UPF2: variants seen among roughly 807,000 people sequenced by gnomAD.
UPF2 encodes the protein regulator of nonsense transcripts 2.
Under a neutral mutation model 141.4 loss-of-function variants are expected in UPF2, and 17 were observed. The ratio of observed to expected loss-of-function variants is 0.12; its 90% CI spans 0.08 to 0.18. UPF2 has a LOEUF of 0.18. UPF2 is among the 10% of genes least tolerant of loss of function. The pLI is 1.00. For synonymous variants in UPF2, 540 were observed against 498.0 expected (o/e 1.08, Z -1.12); for missense variants, 1,152 against 1,515.9 (o/e 0.76, Z 3.99).
At position 12,014,908 on chromosome 10, in the gene UPF2, C is replaced by T. The variant is rs1011054321; in HGVS notation, c.1146-724G>A. ...ACAAATACTGAGAAGTCCACTCACT[C>T]AGGCCAGCCCTTATCAAGGAACTAA... On this transcript the variant is annotated intron_variant, in intron 3 of 21. Transcript: ENST00000357604. The surrounding 1 kb of genome is among the most constrained non-coding windows in gnomAD (Gnocchi z 5.0). Among the ~76,000 whole-genome samples the T allele has an allele frequency of 6.6e-6, 1 of 152,240 alleles. No homozygotes were observed. The highest frequency in any genetic ancestry group is 1.5e-5 in the Non-Finnish European group (1 of 68,052).
At chr10:12,006,530 C>G (rs1180834697) in intron 4 of UPF2, among the ~76,000 whole-genome samples, 1 of 152,108 alleles carries the variant, frequency 6.6e-6, no homozygotes, top group Non-Finnish European at 1.5e-5. Context: ...CTCGAAACTC[C>G]TTACTTTCCT....
intron 4 of UPF2, among the ~76,000 whole-genome samples, chr10:12,011,367 G>T (rs1224713891): frequency 6.6e-6 from 1 of 152,126 alleles, no homozygotes; most frequent in African/African-American, 2.4e-5. Flanking sequence ...GGGAGGGTGA[G>T]GCAGGCAGAT....
chr10:11,959,485 C>CACA lies in UPF2; in HGVS notation c.2185-130_2185-129insTGT. ...TTAGAAAGGCAAAGAAAGGACTGGG[C>CACA]ACTGTGGCTCACACCTATAATCCCA... On this transcript the variant is annotated intron_variant, in intron 11 of 21. Transcript: ENST00000357604. This position sits in a 1 kb window ranked among gnomAD's most constrained non-coding sequence, Gnocchi z 5.9. The CACA allele has an allele frequency of 1.1e-6, 1 of 913,210 alleles. No homozygotes were observed. The highest frequency in any genetic ancestry group is 1.6e-6 in the Non-Finnish European group (1 of 638,590). The allele number at this position is 913,210 out of a possible 1,614,324, so 56.6% of individuals were successfully genotyped here.
At chr10:11,925,008 G>A (rs1381914388) in intron 21 of UPF2, among the ~76,000 whole-genome samples, 3 of 151,898 alleles carry the variant, frequency 2.0e-5, no homozygotes, top group Non-Finnish European at 1.5e-5. Flanking sequence ...TAGTAGAGAC[G>A]GGGTTTCACC....
At chr10:11,924,017 T>C (rs11257429) in intron 21 of UPF2, among the ~76,000 whole-genome samples, 66,381 of 152,102 alleles carry the variant, frequency 0.44, 16,848 homozygotes, top group Non-Finnish European at 0.58. Flanking sequence ...ATCTAAGCCA[T>C]GTAAGTATTA....
At chr10:11,994,339 T>C (rs1833830383) in intron 8 of UPF2, among the ~76,000 whole-genome samples, 1 of 152,198 alleles carries the variant, frequency 6.6e-6, no homozygotes, top group Non-Finnish European at 1.5e-5. Context: ...CTTTATGTCC[T>C]GAGATGAAAA....
At chr10:11,969,673 T>C (rs1026274139) in intron 9 of UPF2, among the ~76,000 whole-genome samples, 2 of 152,188 alleles carry the variant, frequency 1.3e-5, no homozygotes, top group African/African-American at 4.8e-5. Context: ...TACATGCACA[T>C]AAAAAACTTC....
At chr10:11,995,867 A>G (rs1379651193) in intron 8 of UPF2, among the ~76,000 whole-genome samples, 1 of 152,060 alleles carries the variant, frequency 6.6e-6, no homozygotes, top group African/African-American at 2.4e-5. Flanking sequence ...TCTGTCAGCA[A>G]TGCTCTCCCT....
At chr10:11,942,499 G>A (rs1316287694) in intron 18 of UPF2, among the ~76,000 whole-genome samples, 166 bp downstream of exon 18, 1 of 152,202 alleles carries the variant, frequency 6.6e-6, no homozygotes, top group Non-Finnish European at 1.5e-5. Flanking sequence ...CAGGATGTGG[G>A]ATACAAGAAG....
chr10:11,950,034 C>A (rs1833053441), intron 15 of UPF2, among the ~76,000 whole-genome samples: 1 of 151,538 alleles, frequency 6.6e-6, no homozygotes, highest in African/African-American at 2.4e-5. Flanking sequence ...TAAGTAGAAC[C>A]AATTGGTTAG....
chr10:11,936,496 A>C lies in UPF2; in HGVS notation c.3546+49T>G. ...TAGGTCAAAGATAAGTTAAAACCTA[A>C]CTGTATAACTCACAATCAGCTATAA... On this transcript the variant is annotated intron_variant, in intron 19 of 21. Transcript: ENST00000357604. This position sits in a 1 kb window ranked among gnomAD's most constrained non-coding sequence, Gnocchi z 6.6. The C allele has an allele frequency of 6.6e-7, 1 of 1,521,978 alleles. No individual in the cohort carries two copies. The highest frequency in any genetic ancestry group is 8.8e-7 in the Non-Finnish European group (1 of 1,133,534). The allele number at this position is 1,521,978 out of a possible 1,614,324, so 94.3% of individuals were successfully genotyped here. A position where few individuals can be genotyped will look rare whatever the true frequency, so the allele number is the denominator to read the frequency against.
At chr10:12,034,190 A>C (rs1457752943) in intron 2 of UPF2, among the ~76,000 whole-genome samples, 1 of 152,232 alleles carries the variant, frequency 6.6e-6, no homozygotes, top group Non-Finnish European at 1.5e-5. Context: ...GATTGTCCTA[A>C]GGATAGATGC....
At chr10:11,984,011 C>T (rs932090959) in intron 8 of UPF2, among the ~76,000 whole-genome samples, 10 of 152,078 alleles carry the variant, frequency 6.6e-5, no homozygotes, top group Admixed American at 2.6e-4. Flanking sequence ...ACAACCTCCA[C>T]CTCCCGGGTT....
intron 3 of UPF2, among the ~76,000 whole-genome samples, chr10:12,027,383 T>G (rs1449411750): frequency 1.3e-5 from 2 of 152,160 alleles, no homozygotes; most frequent in Admixed American, 1.3e-4. Flanking sequence ...AATCAATCAT[T>G]AGCATACTAT....
chr10:12,024,048 G>C (rs1458943126), intron 3 of UPF2, among the ~76,000 whole-genome samples: 1 of 152,110 alleles, frequency 6.6e-6, no homozygotes, highest in Non-Finnish European at 1.5e-5. Flanking sequence ...AATTTAACTA[G>C]GTAGGAATCT....
At chr10:11,950,066 A>T (rs1833053790) in intron 15 of UPF2, among the ~76,000 whole-genome samples, 1 of 152,210 alleles carries the variant, frequency 6.6e-6, no homozygotes, top group African/African-American at 2.4e-5. Flanking sequence ...CACAAAAAAA[A>T]TTTAAAAAGA....
At chr10:12,023,957 C>G (rs565958459) in intron 3 of UPF2, among the ~76,000 whole-genome samples, 4 of 152,062 alleles carry the variant, frequency 2.6e-5, no homozygotes, top group Admixed American at 2.6e-4. Flanking sequence ...CCACTGCACT[C>G]CAGCCTGGGT....
rs186693003 is a variant in UPF2 at position 11,935,847 on chromosome 10, G to T, written c.3546+698C>A. On this transcript the variant is annotated intron_variant, in intron 19 of 21. Transcript: ENST00000357604. The surrounding 1 kb of genome is among the most constrained non-coding windows in gnomAD (Gnocchi z 4.9). ...TCGCTAGAGTAACAGCTTGGTAGAG[G>T]GGGAAACGGTTTTGAGGGACCATCT... Among the ~76,000 whole-genome samples, 1 of 152,092 alleles carries T rather than the reference G, an allele frequency of 6.6e-6. No individual in the cohort carries two copies. The highest frequency in any genetic ancestry group is 2.4e-5 in the African/African-American group (1 of 41,396).
At chr10:11,969,303 G>A (rs1054153326) in intron 9 of UPF2, among the ~76,000 whole-genome samples, 3 of 151,674 alleles carry the variant, frequency 2.0e-5, no homozygotes, top group African/African-American at 7.3e-5. Context: ...CCGAGTACCT[G>A]GGATTACAGG....
Sources: allele counts gnomAD v4.1 joint callset (sites outside exome capture counted in the v4.1 genomes callset), GRCh38; gene constraint gnomAD v4.1.1; non-coding constraint Gnocchi (gnomAD v3.1); transcripts MANE v1.5; gene names NCBI Gene and HGNC (gene_info 2026-07-23, HGNC 2026-07-21).